The following MAFG variants were observed in gnomAD, a reference collection of about 807,000 sequenced individuals.
MAFG encodes transcription factor MafG.
MAFG carries 3 observed loss-of-function variants against 12.2 expected under a neutral mutation model. The ratio of observed to expected loss-of-function variants is 0.25; its 90% CI spans 0.11 to 0.64. MAFG has a LOEUF of 0.64. Ranked by LOEUF, MAFG falls within the 30% of genes least tolerant of loss-of-function variation. MAFG has a pLI of 0.85. For synonymous variants in MAFG, 126 were observed against 109.1 expected (o/e 1.15, Z -0.96); for missense variants, 153 against 235.5 (o/e 0.65, Z 2.29).
rs2040937324 is a variant in MAFG at position 81,926,014 on chromosome 17, G to A, written c.-30+1514C>T. On this transcript the variant is annotated intron_variant, in intron 1 of 2. Transcript: ENST00000357736. The surrounding 1 kb of genome is among the most constrained non-coding windows in gnomAD (Gnocchi z 4.6). ...AATGGACCTGTGTGTGTGTGTGTGT[G>A]TGTGTGTGTGTGTGGCGGGGGGCGG... is the stretch of plus-strand genomic sequence containing the variant. 7.6e-6 allele frequency among the ~76,000 whole-genome samples: 1 copy of A among 132,282 alleles called. No individual in the cohort carries two copies. Among genetic ancestry groups the A allele is most frequent in the Admixed American group, 7.8e-5 (1 of 12,902 alleles). 86.8% of individuals were successfully genotyped at this position (132,282 alleles called of 152,430 possible).
rs1480923081 is a variant in MAFG at position 81,921,955 on chromosome 17, G to A, written c.*650C>T. ...ACGGGACCCATCGCAGGGCACACTG[G>A]ACCCACCCTCACGTTAAGCGCACAA... On this transcript the variant is annotated 3_prime_UTR_variant, in exon 3 of 3. Coordinates refer to ENST00000357736, the MANE Select transcript of MAFG (RefSeq NM_002359.4). The A allele has an allele frequency of 1.3e-5, 2 of 152,208 alleles. No homozygotes were observed. The highest frequency in any genetic ancestry group is 2.9e-5 in the Non-Finnish European group (2 of 68,056). 9.4% of individuals were successfully genotyped at this position (152,208 alleles called of 1,614,324 possible).
chr17:81,930,500 GAA>G (rs1255838900), upstream of MAFG: 87 of 110,554 alleles, frequency 7.9e-4, no homozygotes, highest in Middle Eastern at 5.1e-3. The surrounding 1 kb of genome is among the most constrained non-coding windows in gnomAD (Gnocchi z 4.1). Flanking sequence ...ATCGCTACAA[GAA>G]AAAAAAAAAA....
intron 1 of MAFG, chr17:81,923,523 T>G: frequency 4.8e-5 from 12 of 251,706 alleles, no homozygotes; most frequent in South Asian, 1.1e-4. Flanking sequence ...TTAGAAGGAA[T>G]AAGACGCGGG....
At position 81,923,533 on chromosome 17, in the gene MAFG, G is replaced by T. The variant is rs144670271; in HGVS notation, c.-29-319C>A. ...AGAGATTAGAAGGAATAAGACGCGG[G>T]AGAGGCAGGCCTAGAAGGAAGCCGG... On this transcript the variant is annotated intron_variant, in intron 1 of 2. Coordinates refer to ENST00000357736, the MANE Select transcript of MAFG (RefSeq NM_002359.4). The T allele has an allele frequency of 1.4e-3, 346 of 247,800 alleles. 3 individuals are homozygous for T. Among genetic ancestry groups the T allele is most frequent in the African/African-American group, 7.3e-3 (324 of 44,530 alleles). The allele number at this position is 247,800 out of a possible 1,614,324, so 15.4% of individuals were successfully genotyped here. A position where few individuals can be genotyped will look rare whatever the true frequency, so the allele number is the denominator to read the frequency against.
At chr17:81,925,584 G>A (rs1458927765) in intron 1 of MAFG, among the ~76,000 whole-genome samples, 2 of 152,156 alleles carry the variant, frequency 1.3e-5, no homozygotes, top group South Asian at 2.1e-4. Context: ...CGAGGTGGGT[G>A]GATTACGAGG....
Position 81,926,926 on chromosome 17 carries a change from C to T in MAFG, c.-30+602G>A, listed in dbSNP as rs574391948. Among the ~76,000 whole-genome samples the T allele has an allele frequency of 6.6e-6, 1 of 152,242 alleles. No individual in the cohort carries two copies. The highest frequency in any genetic ancestry group is 6.5e-5 in the Admixed American group (1 of 15,306). On this transcript the variant is annotated intron_variant, in intron 1 of 2. Coordinates refer to ENST00000357736, the MANE Select transcript of MAFG (RefSeq NM_002359.4). This position sits in a 1 kb window ranked among gnomAD's most constrained non-coding sequence, Gnocchi z 4.6. ...GTCCCCGAGGCCCCTCGCTCGAATC[C>T]CCTCCGGTATCAGCTTGAGCACCGA...
At chr17:81,930,892 T>G (rs2040980333), upstream of MAFG, 1 of 152,272 alleles carries the variant, frequency 6.6e-6, no homozygotes, top group South Asian at 2.1e-4. This position sits in a 1 kb window ranked among gnomAD's most constrained non-coding sequence, Gnocchi z 4.1. Flanking sequence ...CTGGCAGCGT[T>G]TCGACGCTTC....
rs943363789 is a variant in MAFG at position 81,923,177 on chromosome 17, G to A, written c.9C>T (p.Thr3=). Reference sequence around the variant, plus strand: ...TCAAGGCCTTGTTTCCTTTATTGGGGGTCGTCATAACCCGGGGGCACAGCG... The same window carrying A: ...TCAAGGCCTTGTTTCCTTTATTGGGAGTCGTCATAACCCGGGGGCACAGCG... The part of the protein sequence containing the change: MT[T]PNKGNKALKV... The change falls in exon 2 of 3, where the codon ACC becomes ACT. Residue 3 remains threonine, a synonymous_variant. Transcript: ENST00000357736. 2 of 1,607,020 alleles carry A rather than the reference G, an allele frequency of 1.2e-6. No homozygotes were observed. Among genetic ancestry groups the A allele is most frequent in the African/African-American group, 2.7e-5 (2 of 74,616 alleles).
rs778862339 is a variant in MAFG, at chr17:81,922,782, G to A, written c.312C>T (p.Leu104=). The change falls in exon 3 of 3, where the codon CTC becomes CTT. Residue 104 remains leucine, a synonymous_variant. Coordinates refer to ENST00000357736, the MANE Select transcript of MAFG (RefSeq NM_002359.4). ...ASENASMKLE[L]DALRSKYEAL... ...CCTCGTACTTGGAGCGCAGCGCGTC[G>A]AGCTCCAGCTTCATGCTGGCGTTCT... 9 of 1,600,866 alleles carry A rather than the reference G, an allele frequency of 5.6e-6. No individual in the cohort carries two copies. The highest frequency in any genetic ancestry group is 2.7e-5 in the African/African-American group (2 of 74,776).
chr17:81,923,262 ACCCCCCC>A, intron 1 of MAFG, 48 bp from the exon 2 acceptor site: 1 of 361,770 alleles, frequency 2.8e-6, no homozygotes. Context: ...CCCTCGCCGC[ACCCCCCC>A]CCCCCCGCCC....
chr17:81,926,084 T>C lies in MAFG; in HGVS notation c.-30+1444A>G, dbSNP rs1416854798. On this transcript the variant is annotated intron_variant, in intron 1 of 2. Coordinates refer to ENST00000357736, the MANE Select transcript of MAFG (RefSeq NM_002359.4). This position sits in a 1 kb window ranked among gnomAD's most constrained non-coding sequence, Gnocchi z 4.6. The stretch of plus-strand genomic sequence containing the variant: ...ACCACAAAGTAGCCTAACCCAGCCA[T>C]GAAATGAACTCCTGGGCAAAGGAAG... Among the ~76,000 whole-genome samples, 1 of 150,920 alleles carries C rather than the reference T, an allele frequency of 6.6e-6. No homozygotes were observed. Among genetic ancestry groups the C allele is most frequent in the African/African-American group, 2.4e-5 (1 of 40,940 alleles).
chr17:81,926,742 G>C lies in MAFG; in HGVS notation c.-30+786C>G, dbSNP rs2040942871. On this transcript the variant is annotated intron_variant, in intron 1 of 2. Coordinates refer to ENST00000357736, the MANE Select transcript of MAFG (RefSeq NM_002359.4). This position sits in a 1 kb window ranked among gnomAD's most constrained non-coding sequence, Gnocchi z 4.6. ...GCCCGGGGCTTCACCTTTGACCCCG[G>C]GAGAACACCTGCAGCGAGCCACCCC... Among the ~76,000 whole-genome samples the C allele has an allele frequency of 6.6e-6, 1 of 152,004 alleles. No homozygotes were observed. Among genetic ancestry groups the C allele is most frequent in the African/African-American group, 2.4e-5 (1 of 41,378 alleles).
Position 81,926,731 on chromosome 17 carries a change from C to A in MAFG, c.-30+797G>T, listed in dbSNP as rs985167921. Among the ~76,000 whole-genome samples the A allele has an allele frequency of 6.6e-6, 1 of 152,134 alleles. No homozygotes were observed. Among genetic ancestry groups the A allele is most frequent in the Non-Finnish European group, 1.5e-5 (1 of 67,976 alleles). On this transcript the variant is annotated intron_variant, in intron 1 of 2. Coordinates refer to ENST00000357736, the MANE Select transcript of MAFG (RefSeq NM_002359.4). This position sits in a 1 kb window ranked among gnomAD's most constrained non-coding sequence, Gnocchi z 4.6. ...AGGGGTGGACCGCCCGGGGCTTCAC[C>A]TTTGACCCCGGGAGAACACCTGCAG...
upstream of MAFG, among the ~76,000 whole-genome samples, chr17:81,930,942 CCCT>C (rs1424228233): frequency 6.6e-6 from 1 of 152,222 alleles, no homozygotes; most frequent in African/African-American, 2.4e-5. The surrounding 1 kb of genome is among the most constrained non-coding windows in gnomAD (Gnocchi z 4.1). Context: ...GGCACCATCT[CCCT>C]CCTTGACCTG....
chr17:81,921,161 A>G lies in MAFG; in HGVS notation c.*1444T>C, dbSNP rs192250410. ...CCGCCACTAGATCAGCCCAAGCCCTAGACACAGATGTAGCCAAGGCTCAGT... is the reference window on the plus strand; with the variant it reads ...CCGCCACTAGATCAGCCCAAGCCCTGGACACAGATGTAGCCAAGGCTCAGT... On this transcript the variant is annotated 3_prime_UTR_variant, in exon 3 of 3. Coordinates refer to ENST00000357736, the MANE Select transcript of MAFG (RefSeq NM_002359.4). 3.9e-5 allele frequency: 6 copies of G among 152,212 alleles called. No homozygotes were observed. The highest frequency in any genetic ancestry group is 1.4e-4 in the African/African-American group (6 of 41,486). 9.4% of individuals were successfully genotyped at this position (152,212 alleles called of 1,614,324 possible).
rs930257608 is a variant in MAFG, at chr17:81,921,837, A to G, written c.*768T>C. On this transcript the variant is annotated 3_prime_UTR_variant, in exon 3 of 3. Transcript: ENST00000357736. ...CAGCTCTTTTTTCTTTAACTTTTAA[A>G]CATATAATTAATTTAATAACTTTGT... The G allele has an allele frequency of 6.6e-6, 1 of 152,022 alleles. No individual in the cohort carries two copies. The highest frequency in any genetic ancestry group is 1.5e-5 in the Non-Finnish European group (1 of 68,008). The allele number at this position is 152,022 out of a possible 1,614,324, so 9.4% of individuals were successfully genotyped here. A position where few individuals can be genotyped will look rare whatever the true frequency, so the allele number is the denominator to read the frequency against.
upstream of MAFG, among the ~76,000 whole-genome samples, chr17:81,931,219 C>T (rs936032028): frequency 1.4e-4 from 22 of 152,230 alleles, no homozygotes; most frequent in Admixed American, 6.5e-4. Context: ...CACACCTCCT[C>T]ACCTCCCTGT....
rs936774764 is a variant in MAFG at position 81,921,571 on chromosome 17, T to C, written c.*1034A>G. On this transcript the variant is annotated 3_prime_UTR_variant, in exon 3 of 3. Transcript: ENST00000357736. Reference sequence around the variant, plus strand: ...GCTCACGGCTTGGCTTTTTTTTTTTTGTCTTTTTTTTAAACTAAGTTTTAT... The same window carrying C: ...GCTCACGGCTTGGCTTTTTTTTTTTCGTCTTTTTTTTAAACTAAGTTTTAT... 2.0e-5 allele frequency: 3 copies of C among 151,748 alleles called. No homozygotes were observed. The highest frequency in any genetic ancestry group is 4.4e-5 in the Non-Finnish European group (3 of 67,940). The allele number at this position is 151,748 out of a possible 1,614,324, so 9.4% of individuals were successfully genotyped here.
upstream of MAFG, among the ~76,000 whole-genome samples, chr17:81,928,875 G>A (rs944947940): frequency 1.5e-4 from 23 of 152,218 alleles, no homozygotes; most frequent in African/African-American, 5.1e-4. This position sits in a 1 kb window ranked among gnomAD's most constrained non-coding sequence, Gnocchi z 8.1. Context: ...GCGAGGGGAG[G>A]GCGCCCTGAG....
Sources: allele counts gnomAD v4.1 joint callset (sites outside exome capture counted in the v4.1 genomes callset), GRCh38; gene constraint gnomAD v4.1.1; non-coding constraint Gnocchi (gnomAD v3.1); transcripts MANE v1.5; gene names NCBI Gene and HGNC (gene_info 2026-07-23, HGNC 2026-07-21).